PPM1L: variants seen among roughly 807,000 people sequenced by gnomAD.
The protein encoded by PPM1L is protein phosphatase 1L.
PPM1L carries 13 observed loss-of-function variants against 31.4 expected under a neutral mutation model. The ratio of observed to expected loss-of-function variants is 0.41; its 90% confidence interval spans 0.27 to 0.66. The LOEUF (loss-of-function observed/expected upper bound fraction) is 0.66, where lower values mean the gene tolerates loss of function less well. PPM1L is among the 30% of genes least tolerant of loss of function. The probability of loss-of-function intolerance (pLI) is 0.29; values close to 1 mark genes in which losing one functional copy is unlikely to be tolerated. For missense variants in PPM1L, 326 were observed against 453.7 expected, an observed-to-expected ratio of 0.72 and a Z score of 2.56; for synonymous variants, 184 against 175.4, an observed-to-expected ratio of 1.05 and a Z score of -0.39.
intron 1 of PPM1L, among the ~76,000 whole-genome samples, chr3:160,833,054 A>C (rs1181935932): frequency 6.6e-6 from 1 of 152,188 alleles, no homozygotes; most frequent in African/African-American, 2.4e-5. Context: ...TTTGCTGAAG[A>C]TAATGTCTTC....
In PPM1L at chr3:161,069,275, C is replaced by T. The variant is rs1559943891; in HGVS notation, c.*118C>T. The T allele has an allele frequency of 2.5e-6, 2 of 793,476 alleles. No individual in the cohort carries two copies. The highest frequency in any genetic ancestry group is 1.9e-6 in the Non-Finnish European group (1 of 512,936). 49.2% of individuals were successfully genotyped at this position (793,476 alleles called of 1,614,324 possible). On this transcript the variant is annotated 3_prime_UTR_variant, in exon 4 of 4. Coordinates refer to ENST00000498165, the MANE Select transcript of PPM1L (RefSeq NM_139245.4). ...ATCATCCACCCCAGACATGGAATCCCCCCTCCCTGGTGGTCTTAGGTCTAT... is the reference window on the plus strand; with the variant it reads ...ATCATCCACCCCAGACATGGAATCCTCCCTCCCTGGTGGTCTTAGGTCTAT...
chr3:160,783,550 A>G (rs1410741569), intron 1 of PPM1L, among the ~76,000 whole-genome samples: 1 of 149,510 alleles, frequency 6.7e-6, no homozygotes, highest in Non-Finnish European at 1.5e-5. Flanking sequence ...CAGTGAGCCG[A>G]GATCTCACCA....
chr3:160,821,568 A>G (rs573445474), intron 1 of PPM1L, among the ~76,000 whole-genome samples: 1 of 152,202 alleles, frequency 6.6e-6, no homozygotes, highest in East Asian at 1.9e-4. Context: ...GGGATGCTTT[A>G]ATGTAATAAA....
intron 1 of PPM1L, among the ~76,000 whole-genome samples, chr3:160,919,843 G>A (rs1275930644): frequency 1.3e-5 from 2 of 152,148 alleles, no homozygotes; most frequent in Non-Finnish European, 2.9e-5. Flanking sequence ...TGAAACCTGG[G>A]CTCAATAAAA....
chr3:160,970,407 G>A (rs961929525), intron 2 of PPM1L, among the ~76,000 whole-genome samples: 3 of 150,898 alleles, frequency 2.0e-5, no homozygotes, highest in South Asian at 2.1e-4. Flanking sequence ...TTGAGGCTAC[G>A]TAGGTGACTA....
intron 2 of PPM1L, among the ~76,000 whole-genome samples, chr3:160,966,361 C>A (rs16831679): frequency 0.014 from 2,060 of 152,112 alleles, 50 homozygotes; most frequent in African/African-American, 0.046. Context: ...CTATTGTAAA[C>A]ACTTTGGTAT....
At chr3:160,889,674 C>A (rs1322579387) in intron 1 of PPM1L, among the ~76,000 whole-genome samples, 1 of 152,116 alleles carries the variant, frequency 6.6e-6, no homozygotes, top group African/African-American at 2.4e-5. Flanking sequence ...ATCCTGATAC[C>A]AAAACTAGGC....
At chr3:161,062,144 G>A (rs528086034) in intron 2 of PPM1L, among the ~76,000 whole-genome samples, 2,371 of 146,880 alleles carry the variant, frequency 0.016, 68 homozygotes, top group African/African-American at 0.054. Flanking sequence ...TAGTGGGGGG[G>A]GAAAAAAAAA....
At chr3:160,829,768 T>G (rs1713464597) in intron 1 of PPM1L, among the ~76,000 whole-genome samples, 1 of 152,064 alleles carries the variant, frequency 6.6e-6, no homozygotes, top group Non-Finnish European at 1.5e-5. Context: ...GTAAAGTTAT[T>G]AAGGGAGCAG....
intron 2 of PPM1L, among the ~76,000 whole-genome samples, chr3:160,967,278 AC>A (rs1204028859): frequency 6.6e-6 from 1 of 151,848 alleles, no homozygotes; most frequent in Non-Finnish European, 1.5e-5. Context: ...CTTTATAATT[AC>A]CCAGTCTTGG....
At chr3:160,875,581 G>A (rs1352228576) in intron 1 of PPM1L, among the ~76,000 whole-genome samples, 2 of 152,308 alleles carry the variant, frequency 1.3e-5, no homozygotes, top group East Asian at 3.9e-4. Flanking sequence ...GAGAGCTTTA[G>A]AAATTAAATA....
intron 1 of PPM1L, among the ~76,000 whole-genome samples, chr3:160,786,199 ATATATATATTTTTTTTTTT>A (rs1675412934): frequency 5.3e-5 from 4 of 75,606 alleles, no homozygotes; most frequent in African/African-American, 2.7e-4. Context: ...ATATATATAT[ATATATATATTTTTTTTTTT>A]TTTTTTTTTT....
chr3:160,771,570 T>TTTA lies in PPM1L; in HGVS notation c.399+14863_399+14864insTTA, dbSNP rs1553804597. On this transcript the variant is annotated intron_variant, in intron 1 of 3. Coordinates refer to ENST00000498165, the MANE Select transcript of PPM1L (RefSeq NM_139245.4). Reference sequence around the variant, plus strand: ...TTTTTTTTTTTTTTTTTTTTTTTTTTAAAAAGAGCATATTAAATATTTCTG... The same window carrying TTTA: ...TTTTTTTTTTTTTTTTTTTTTTTTTTTTAAAAAAGAGCATATTAAATATTTCTG... Among the ~76,000 whole-genome samples the TTTA allele has an allele frequency of 5.7e-4, 79 of 139,310 alleles. 1 individual carries two copies. Among genetic ancestry groups the TTTA allele is most frequent in the African/African-American group, 1.4e-3 (51 of 36,112 alleles). The allele number at this position is 139,310 out of a possible 152,430, so 91.4% of individuals were successfully genotyped here.
chr3:161,012,775 A>G (rs1279995828), intron 2 of PPM1L, among the ~76,000 whole-genome samples: 3 of 151,996 alleles, frequency 2.0e-5, no homozygotes, highest in African/African-American at 7.3e-5. Flanking sequence ...GAATTTATCA[A>G]TTTCTTCTAG....
intron 1 of PPM1L, among the ~76,000 whole-genome samples, chr3:160,807,291 C>G (rs1186225312): frequency 6.6e-6 from 1 of 152,198 alleles, no homozygotes; most frequent in Non-Finnish European, 1.5e-5. Flanking sequence ...CCTCCCATAA[C>G]AATTCTGCAA....
intron 1 of PPM1L, among the ~76,000 whole-genome samples, chr3:160,845,229 T>C (rs1714040091): frequency 6.6e-6 from 1 of 152,120 alleles, no homozygotes; most frequent in South Asian, 2.1e-4. Flanking sequence ...ACAATATGTG[T>C]ATGGACATAT....
chr3:160,932,897 T>A (rs1714834335), intron 1 of PPM1L, among the ~76,000 whole-genome samples: 1 of 152,238 alleles, frequency 6.6e-6, no homozygotes, highest in African/African-American at 2.4e-5. Context: ...ATGGCTGTGA[T>A]AATTAAATGA....
chr3:160,843,755 A>G (rs994781386), intron 1 of PPM1L, among the ~76,000 whole-genome samples: 1 of 151,796 alleles, frequency 6.6e-6, no homozygotes, highest in African/African-American at 2.4e-5. Context: ...TAGAAATACC[A>G]TTTGACCCAG....
At chr3:160,914,851 T>C (rs1714105678) in intron 1 of PPM1L, among the ~76,000 whole-genome samples, 1 of 152,184 alleles carries the variant, frequency 6.6e-6, no homozygotes, top group Non-Finnish European at 1.5e-5. Context: ...TCTAGATCCC[T>C]GAGGAATTGC....
Sources: gnomAD v4.1 joint callset for allele counts (sites outside exome capture counted in the v4.1 genomes callset) on GRCh38, gnomAD v4.1.1 for gene constraint, MANE v1.5 for transcripts, NCBI Gene and HGNC (gene_info 2026-07-23, HGNC 2026-07-21) for gene names.